COL3A1: variants seen among roughly 807,000 people sequenced by gnomAD.
COL3A1 encodes the protein collagen type III alpha 1 chain, also known as collagen alpha-1(III) chain.
In COL3A1, 46 loss-of-function variants were observed where a neutral mutation model predicts 200.9. The ratio of observed to expected loss-of-function variants is 0.23; its 90% CI spans 0.18 to 0.29. The LOEUF is 0.29. Among genes scored for constraint, COL3A1 ranks in the 10% least tolerant of loss-of-function variants. The pLI is 1.00. For synonymous variants in COL3A1, 650 were observed against 628.0 expected, an observed-to-expected ratio of 1.03 and a Z score of -0.52; for missense variants, 1,367 against 1,917.6, an observed-to-expected ratio of 0.71 and a Z score of 5.36.
At chr2:188,988,775 G>C (rs1160648482) in intron 7 of COL3A1, 132 bp downstream of exon 7, 1 of 651,210 alleles carries the variant, frequency 1.5e-6, no homozygotes, top group East Asian at 2.8e-5. Flanking sequence ...ATAACGAATA[G>C]CATTTTATTG....
rs1431940407 is a variant in COL3A1, at chr2:189,012,632, C to G, written c.*858C>G. ...CAATAAAAACCAAATTATGGGGCTGCTTTTGTCACACTAGCATAGAGAATG... is the reference window on the plus strand; with the variant it reads ...CAATAAAAACCAAATTATGGGGCTGGTTTTGTCACACTAGCATAGAGAATG... On this transcript the variant is annotated 3_prime_UTR_variant, in exon 51 of 51. Transcript: ENST00000304636. 6.6e-6 allele frequency: 1 copy of G among 152,498 alleles called. No homozygotes were observed. Among genetic ancestry groups the G allele is most frequent in the East Asian group, 1.9e-4 (1 of 5,192 alleles). 9.4% of individuals were successfully genotyped at this position (152,498 alleles called of 1,614,324 possible).
chr2:188,992,332 T>C, intron 14 of COL3A1, 104 bp downstream of exon 14: 1 of 966,328 alleles, frequency 1.0e-6, no homozygotes, highest in Non-Finnish European at 1.6e-6. Flanking sequence ...TATATATATA[T>C]GCATATGTAT....
chr2:188,988,218 CA>C (rs1688103871), intron 6 of COL3A1, 84 bp downstream of exon 6: 1 of 1,198,654 alleles, frequency 8.3e-7, no homozygotes, highest in Non-Finnish European at 1.2e-6. Flanking sequence ...TCAGCCATTC[CA>C]GCATGCATAA....
At chr2:188,996,327 C>T (rs1688316900) in intron 23 of COL3A1, 71 bp from the exon 24 acceptor site, 3 of 1,159,722 alleles carry the variant, frequency 2.6e-6, no homozygotes, top group Non-Finnish European at 3.8e-6. Context: ...CACACACACA[C>T]ATACTATATA....
intron 39 of COL3A1, 53 bp downstream of exon 39, chr2:189,004,196 A>G: frequency 1.2e-6 from 2 of 1,608,766 alleles, no homozygotes; most frequent in Non-Finnish European, 1.7e-6. Flanking sequence ...TTTTATCACA[A>G]ATCGATTAGA....
chr2:189,003,229 G>A (rs1378481833), intron 36 of COL3A1, among the ~76,000 whole-genome samples, 167 bp downstream of exon 36: 4 of 152,120 alleles, frequency 2.6e-5, no homozygotes, highest in African/African-American at 9.7e-5. Context: ...TACTGAGATA[G>A]CATGTCATAG....
chr2:189,008,092 C>T lies in COL3A1; in HGVS notation c.3475C>T (p.Pro1159Ser). ...GKDGTSGHPG[P>S]IGPPGPRGNR... Reference sequence around the variant, plus strand: ...AGATGGAACCAGTGGACATCCAGGTCCCATTGGACCACCAGGGCCTCGAGG... The same window carrying T: ...AGATGGAACCAGTGGACATCCAGGTTCCATTGGACCACCAGGGCCTCGAGG... The change falls in exon 47 of 51, where the codon CCC becomes TCC. Residue 1159 changes from proline to serine, a missense_variant. Coordinates refer to ENST00000304636, the MANE Select transcript of COL3A1 (RefSeq NM_000090.4). The T allele has an allele frequency of 1.2e-6, 2 of 1,613,940 alleles. No homozygotes were observed. Among genetic ancestry groups the T allele is most frequent in the South Asian group, 1.1e-5 (1 of 91,044 alleles).
chr2:189,006,468 C>T lies in COL3A1; in HGVS notation c.3201+16C>T. On this transcript the variant is annotated intron_variant, in intron 43 of 50. Transcript: ENST00000304636. ...AGGAGAAAGTGTGAGTTCCCAAAAG[C>T]AGCATCTGTCTTGTTTGTCTATTTC... 1 of 1,610,226 alleles carries T rather than the reference C, an allele frequency of 6.2e-7. No homozygotes were observed. Among genetic ancestry groups the T allele is most frequent in the South Asian group, 1.1e-5 (1 of 90,990 alleles).
At chr2:188,999,755 C>A in intron 31 of COL3A1, 87 bp from the exon 32 acceptor site, 1 of 1,421,720 alleles carries the variant, frequency 7.0e-7, no homozygotes, top group Non-Finnish European at 9.7e-7. Flanking sequence ...AATATATATC[C>A]CTACAAATCC....
chr2:189,011,933 C>T lies in COL3A1; in HGVS notation c.*159C>T, dbSNP rs1251017461. Reference sequence around the variant, plus strand: ...AATTTGACAAAGAAAAATGATACTTCTCTTTTTTTGCTGTTCCACCAAATA... The same window carrying T: ...AATTTGACAAAGAAAAATGATACTTTTCTTTTTTTGCTGTTCCACCAAATA... On this transcript the variant is annotated 3_prime_UTR_variant, in exon 51 of 51. Transcript: ENST00000304636. The T allele has an allele frequency of 3.0e-5, 23 of 772,296 alleles. No individual in the cohort carries two copies. The East Asian group carries it at 5.9e-4, about 20-fold the overall frequency. The allele number at this position is 772,296 out of a possible 1,614,324, so 47.8% of individuals were successfully genotyped here. A position where few individuals can be genotyped will look rare whatever the true frequency, so the allele number is the denominator to read the frequency against.
intron 1 of COL3A1, 140 bp from the exon 2 acceptor site, chr2:188,984,620 A>ACAT: frequency 4.1e-6 from 3 of 740,642 alleles, no homozygotes; most frequent in Non-Finnish European, 7.0e-6. Flanking sequence ...TAGGGCAAGT[A>ACAT]TAATTTTCTA....
chr2:188,991,377 G>A lies in COL3A1; in HGVS notation c.853-110G>A, dbSNP rs552386429. On this transcript the variant is annotated intron_variant, in intron 11 of 50. Coordinates refer to ENST00000304636, the MANE Select transcript of COL3A1 (RefSeq NM_000090.4). ...AACAGAAAATTAATATTGTTAAAAT[G>A]TATATCTTTTTCTAGGCTCTATAAA... 2.1e-4 allele frequency: 147 copies of A among 708,420 alleles called. No homozygotes were observed. The East Asian group carries it at 4.1e-3, about 20-fold the overall frequency. 43.9% of individuals were successfully genotyped at this position (708,420 alleles called of 1,614,324 possible).
At chr2:188,979,185 G>T (rs1384918547) in intron 1 of COL3A1, among the ~76,000 whole-genome samples, 1 of 151,844 alleles carries the variant, frequency 6.6e-6, no homozygotes, top group African/African-American at 2.4e-5. Context: ...CAGTAAAATG[G>T]CATATATTTT....
chr2:188,977,978 T>G, intron 1 of COL3A1: 1 of 307,352 alleles, frequency 3.3e-6, no homozygotes, highest in Admixed American at 5.1e-5. Context: ...TATAACACTT[T>G]GTGTTTTTCA....
At chr2:188,980,937 A>G (rs1687939654) in intron 1 of COL3A1, among the ~76,000 whole-genome samples, 1 of 151,360 alleles carries the variant, frequency 6.6e-6, no homozygotes, top group Admixed American at 6.6e-5. Context: ...AGATTTTCAG[A>G]TTATACAACA....
chr2:188,991,423 T>A, intron 11 of COL3A1, 64 bp from the exon 12 acceptor site: 1 of 1,081,218 alleles, frequency 9.2e-7, no homozygotes, highest in Non-Finnish European at 1.3e-6. Flanking sequence ...ATATTCTGTA[T>A]TTAAAAATAT....
chr2:188,974,545 CTAT>C lies in COL3A1; in HGVS notation c.61_63del (p.Ile21del). On this transcript the variant is annotated inframe_deletion, in exon 1 of 51. Coordinates refer to ENST00000304636, the MANE Select transcript of COL3A1 (RefSeq NM_000090.4). ...CTACTTCTCGCTCTGCTTCATCCCA[CTAT>C]TATTTTGGCACAACAGGAAGGTGAG... 1 of 1,614,042 alleles carries C rather than the reference CTAT, an allele frequency of 6.2e-7. No homozygotes were observed. Among genetic ancestry groups the C allele is most frequent in the Non-Finnish European group, 8.5e-7 (1 of 1,179,912 alleles).
At chr2:189,010,076 C>T in intron 48 of COL3A1, 102 bp from the exon 49 acceptor site, 1 of 1,067,732 alleles carries the variant, frequency 9.4e-7, no homozygotes, top group Non-Finnish European at 1.4e-6. Context: ...AATGCAGACA[C>T]ATTAGCAGTC....
rs747958233 is a variant in COL3A1 at position 189,005,338 on chromosome 2, C to T, written c.2932-12C>T. The T allele has an allele frequency of 1.2e-6, 2 of 1,607,100 alleles. No individual in the cohort carries two copies. Among genetic ancestry groups the T allele is most frequent in the East Asian group, 2.2e-5 (1 of 44,832 alleles). On this transcript the variant is annotated splice_polypyrimidine_tract_variant and intron_variant, in intron 40 of 50. Transcript: ENST00000304636. ...AGTTGAAACAAAATGTTTTTCATTC[C>T]TTTGTATACAGGGTGAAAGTGGGAA... is the stretch of plus-strand genomic sequence containing the variant.
Sources: gnomAD v4.1 joint callset for allele counts (sites outside exome capture counted in the v4.1 genomes callset) on GRCh38, gnomAD v4.1.1 for gene constraint, MANE v1.5 for transcripts, NCBI Gene and HGNC (gene_info 2026-07-23, HGNC 2026-07-21) for gene names.